The following ARHGEF10 variants were observed in gnomAD, a reference collection of about 807,000 sequenced individuals.
ARHGEF10 encodes the protein Rho guanine nucleotide exchange factor 10, also known as Rho guanine nucleotide exchange factor (GEF) 10.
A neutral mutation model predicts 147.4 loss-of-function variants in ARHGEF10; 140 were observed. The ratio of observed to expected loss-of-function variants is 0.95; its 90% CI spans 0.83 to 1.09. ARHGEF10 has a LOEUF of 1.09. Among genes scored for constraint, ARHGEF10 ranks in the 50% least tolerant of loss-of-function variants. The probability of loss-of-function intolerance (pLI) is 0.00; values close to 1 mark genes in which losing one functional copy is unlikely to be tolerated. For missense variants in ARHGEF10, 2,222 were observed against 1,752.7 expected, an observed-to-expected ratio of 1.27 and a Z score of -4.78; for synonymous variants, 902 against 695.8, an observed-to-expected ratio of 1.30 and a Z score of -4.67.
At chr8:1,847,485 A>C (rs1804646655) in intron 2 of ARHGEF10, among the ~76,000 whole-genome samples, 1 of 152,232 alleles carries the variant, frequency 6.6e-6, no homozygotes, top group Admixed American at 6.5e-5. Flanking sequence ...TTGGCATGTT[A>C]ATGTTGGTTC....
intron 11 of ARHGEF10, among the ~76,000 whole-genome samples, chr8:1,887,076 A>T (rs1249091693): frequency 6.6e-6 from 1 of 152,222 alleles, no homozygotes; most frequent in Non-Finnish European, 1.5e-5. Flanking sequence ...CAATAGGATG[A>T]CACGCTGGCC....
chr8:1,945,625 A>G lies in ARHGEF10; in HGVS notation c.3367A>G (p.Ile1123Val). The stretch of plus-strand genomic sequence containing the variant: ...TCTCAAGCACCTGCAGGACATCAAC[A>G]TCGCCACCCCTGTTCACAACATGCT... ...ETLKHLQDINIATPVHNMLPG... is the reference protein window; with the variant it reads ...ETLKHLQDINVATPVHNMLPG... The change falls in exon 27 of 29, where the codon ATC becomes GTC. Residue 1123 changes from isoleucine (I) to valine (V), a missense_variant. By Grantham distance (29) the Ile-to-Val change is conservative (BLOSUM62 3). Coordinates refer to ENST00000349830, the MANE Select transcript of ARHGEF10 (RefSeq NM_014629.4). 6.2e-7 allele frequency: 1 copy of G among 1,614,120 alleles called. No homozygotes were observed. Among genetic ancestry groups the G allele is most frequent in the Non-Finnish European group, 8.5e-7 (1 of 1,179,982 alleles).
chr8:1,936,940 T>A (rs1177563615), intron 26 of ARHGEF10, among the ~76,000 whole-genome samples: 1 of 151,672 alleles, frequency 6.6e-6, no homozygotes, highest in East Asian at 1.9e-4. Context: ...GAGACGTGGG[T>A]TTGGTTAGGA....
intron 7 of ARHGEF10, among the ~76,000 whole-genome samples, chr8:1,871,562 G>A (rs1476637982): frequency 2.0e-5 from 3 of 152,200 alleles, no homozygotes; most frequent in Non-Finnish European, 4.4e-5. Context: ...GCTCACACCT[G>A]TAATCCCAGC....
intron 11 of ARHGEF10, among the ~76,000 whole-genome samples, chr8:1,886,900 C>T (rs1255916921): frequency 6.6e-6 from 1 of 152,160 alleles, no homozygotes; most frequent in Non-Finnish European, 1.5e-5. Flanking sequence ...GCCATGTGAT[C>T]TGGGCTGCCA....
intron 1 of ARHGEF10, among the ~76,000 whole-genome samples, chr8:1,841,625 G>C (rs1033992440): frequency 5.3e-5 from 8 of 151,496 alleles, no homozygotes; most frequent in African/African-American, 1.2e-4. Context: ...GTTGTGGCTC[G>C]TCTGCTCATC....
chr8:1,929,892 T>A (rs976367322), intron 25 of ARHGEF10, among the ~76,000 whole-genome samples: 1 of 152,162 alleles, frequency 6.6e-6, no homozygotes, highest in African/African-American at 2.4e-5. Context: ...AGGACTCCAT[T>A]GTGTTCTGCT....
intron 10 of ARHGEF10, among the ~76,000 whole-genome samples, chr8:1,883,924 C>T (rs962424498): frequency 1.3e-5 from 2 of 152,166 alleles, no homozygotes; most frequent in Non-Finnish European, 2.9e-5. Flanking sequence ...CAACTGCCCA[C>T]CTGGAGCCCA....
intron 26 of ARHGEF10, among the ~76,000 whole-genome samples, chr8:1,940,851 A>C (rs548688761): frequency 6.6e-6 from 1 of 152,378 alleles, no homozygotes; most frequent in African/African-American, 2.4e-5. Flanking sequence ...CATCACATTA[A>C]CAGAATAATG....
At position 1,882,754 on chromosome 8, in the gene ARHGEF10, G is replaced by T. The variant is rs1275167797; in HGVS notation, c.1075+5G>T. ...CCAAGTCTCTCATCGCACAGGGTCC[G>T]TGCCTGCAGGTCTTCTTGCGGGGAG... is the stretch of plus-strand genomic sequence containing the variant. On this transcript the variant is annotated splice_donor_5th_base_variant and intron_variant, in intron 10 of 28. Coordinates refer to ENST00000349830, the MANE Select transcript of ARHGEF10 (RefSeq NM_014629.4). 8.4e-6 allele frequency: 13 copies of T among 1,546,736 alleles called. No individual in the cohort carries two copies. The highest frequency in any genetic ancestry group is 1.1e-5 in the Non-Finnish European group (13 of 1,145,648).
At chr8:1,907,087 G>A (rs567325167) in intron 17 of ARHGEF10, among the ~76,000 whole-genome samples, 4 of 152,330 alleles carry the variant, frequency 2.6e-5, no homozygotes, top group Non-Finnish European at 4.4e-5. Context: ...GAGTGAGGCC[G>A]TGGGAGGTCG....
At chr8:1,927,168 C>G (rs1055802908) in intron 23 of ARHGEF10, 5 of 155,306 alleles carry the variant, frequency 3.2e-5, no homozygotes, top group African/African-American at 1.2e-4. Flanking sequence ...TTGTACCAAC[C>G]TATGAATGGA....
chr8:1,918,715 C>T (rs143654012), intron 18 of ARHGEF10, among the ~76,000 whole-genome samples: 109 of 152,298 alleles, frequency 7.2e-4, no homozygotes, highest in South Asian at 2.7e-3. Context: ...TTATTAACTA[C>T]ATTAGACGTC....
intron 13 of ARHGEF10, among the ~76,000 whole-genome samples, chr8:1,895,497 A>G (rs554442927): frequency 6.6e-6 from 1 of 152,322 alleles, no homozygotes; most frequent in African/African-American, 2.4e-5. Flanking sequence ...TCTTTCAAAG[A>G]TATTTGCATA....
At chr8:1,838,125 C>G (rs921716794) in intron 1 of ARHGEF10, among the ~76,000 whole-genome samples, 2 of 152,214 alleles carry the variant, frequency 1.3e-5, no homozygotes, top group South Asian at 2.1e-4. Flanking sequence ...GTGGAAGGAA[C>G]AGACCTTGGG....
chr8:1,832,912 ACAGAGG>A, intron 1 of ARHGEF10, among the ~76,000 whole-genome samples: 1 of 100,490 alleles, frequency 1.0e-5, no homozygotes, highest in Admixed American at 9.6e-5. Context: ...AGAGAGACAG[ACAGAGG>A]CAGAGACAGA....
intron 15 of ARHGEF10, among the ~76,000 whole-genome samples, chr8:1,900,575 C>A (rs117117655): frequency 6.6e-6 from 1 of 152,278 alleles, no homozygotes; most frequent in South Asian, 2.1e-4. Flanking sequence ...CGTGCGCTGT[C>A]GGACGGGCAT....
At chr8:1,838,538 C>A (rs1282227959) in intron 1 of ARHGEF10, among the ~76,000 whole-genome samples, 1 of 152,266 alleles carries the variant, frequency 6.6e-6, no homozygotes, top group East Asian at 1.9e-4. Flanking sequence ...CAGTCCTCTT[C>A]AGACCTCATG....
chr8:1,833,305 C>A (rs1471678080), intron 1 of ARHGEF10, among the ~76,000 whole-genome samples: 15 of 105,056 alleles, frequency 1.4e-4, no homozygotes, highest in Admixed American at 8.8e-4. Flanking sequence ...GAGACAGAGG[C>A]AGAGACAGAA....
Sources: gnomAD v4.1 joint callset for allele counts (sites outside exome capture counted in the v4.1 genomes callset) on GRCh38, gnomAD v4.1.1 for gene constraint, MANE v1.5 for transcripts, NCBI Gene and HGNC (gene_info 2026-07-23, HGNC 2026-07-21) for gene names.